SENP7: variants seen among roughly 807,000 people sequenced by gnomAD.
SENP7 encodes the protein sentrin-specific protease 7.
Under a neutral mutation model 141.2 loss-of-function variants are expected in SENP7, and 64 were observed. The observed-to-expected ratio is 0.45, with a 90% CI of 0.37 to 0.56. The LOEUF is 0.56. Among genes scored for constraint, SENP7 ranks in the 20% least tolerant of loss-of-function variants. The pLI is 0.00. For synonymous variants in SENP7, 382 were observed against 426.4 expected (o/e 0.90, Z 1.28); for missense variants, 1,025 against 1,212.2 (o/e 0.85, Z 2.29).
intron 13 of SENP7, among the ~76,000 whole-genome samples, chr3:101,345,226 G>A (rs1559695928): frequency 6.6e-6 from 1 of 151,788 alleles, no homozygotes; most frequent in Non-Finnish European, 1.5e-5. Flanking sequence ...TTTTAGGATT[G>A]TTTTTTCTAG....
chr3:101,456,941 T>TTTTTGTTTTGTTTTG (rs57842838), intron 4 of SENP7, among the ~76,000 whole-genome samples: 39 of 150,358 alleles, frequency 2.6e-4, no homozygotes, highest in African/African-American at 8.6e-4. Context: ...TGATATAAGC[T>TTTTTGTTTTGTTTTG]TTTTGTTTTG....
At chr3:101,470,323 ATC>A (rs1289719863) in intron 3 of SENP7, among the ~76,000 whole-genome samples, 9 of 152,226 alleles carry the variant, frequency 5.9e-5, no homozygotes, top group African/African-American at 2.2e-4. Flanking sequence ...AGTCGGCTTC[ATC>A]CCTGGCATGC....
intron 4 of SENP7, chr3:101,457,430 T>C: frequency 6.4e-7 from 1 of 1,571,880 alleles, no homozygotes; most frequent in Non-Finnish European, 8.7e-7. Context: ...GTAGCATTTC[T>C]GTCAGCTGCT....
intron 5 of SENP7, 73 bp from the exon 6 acceptor site, chr3:101,399,128 G>T: frequency 1.0e-6 from 1 of 988,234 alleles, no homozygotes; most frequent in East Asian, 2.8e-5. Flanking sequence ...CCAGGAAGGT[G>T]AATTTTCAAT....
At chr3:101,459,095 A>G in intron 3 of SENP7, 43 bp from the exon 4 acceptor site, 1 of 1,118,120 alleles carries the variant, frequency 8.9e-7, no homozygotes, top group Non-Finnish European at 1.3e-6. Flanking sequence ...ACATATCAAT[A>G]TGACAAGAGG....
At chr3:101,428,022 G>T (rs963550035) in intron 4 of SENP7, among the ~76,000 whole-genome samples, 1 of 152,184 alleles carries the variant, frequency 6.6e-6, no homozygotes, top group Non-Finnish European at 1.5e-5. Flanking sequence ...CAAAGGACAT[G>T]AAATCATCCT....
chr3:101,326,878 G>A (rs2058914168), intron 23 of SENP7, among the ~76,000 whole-genome samples: 1 of 148,714 alleles, frequency 6.7e-6, no homozygotes, highest in African/African-American at 2.5e-5. Context: ...CTTAAGCTCT[G>A]TTCTCTTCTT....
intron 6 of SENP7, among the ~76,000 whole-genome samples, chr3:101,394,520 T>TC (rs1450643761): frequency 6.6e-6 from 1 of 151,900 alleles, no homozygotes; most frequent in East Asian, 1.9e-4. Context: ...TTAAAAATTT[T>TC]TTTTTTTTTT....
At chr3:101,443,585 T>C (rs1206040997) in intron 4 of SENP7, among the ~76,000 whole-genome samples, 1 of 151,872 alleles carries the variant, frequency 6.6e-6, no homozygotes, top group African/African-American at 2.4e-5. Flanking sequence ...CCCATGAGCA[T>C]GGAATGTTCT....
chr3:101,458,788 T>C (rs1046536453), intron 4 of SENP7, among the ~76,000 whole-genome samples, 167 bp downstream of exon 4: 3 of 152,214 alleles, frequency 2.0e-5, no homozygotes, highest in African/African-American at 7.2e-5. Context: ...GTTAAGATAC[T>C]TAAAATCACA....
chr3:101,392,327 T>A (rs1477709754), intron 6 of SENP7, among the ~76,000 whole-genome samples: 1 of 151,980 alleles, frequency 6.6e-6, no homozygotes, highest in Non-Finnish European at 1.5e-5. Flanking sequence ...ACCTAAATAC[T>A]CCATCCAAAA....
intron 16 of SENP7, among the ~76,000 whole-genome samples, chr3:101,339,574 C>T (rs550688849): frequency 2.0e-5 from 3 of 151,990 alleles, no homozygotes; most frequent in African/African-American, 7.2e-5. Context: ...AAAAATTAGC[C>T]GGGCGTGGTG....
chr3:101,442,199 T>C (rs1470376370), intron 4 of SENP7, among the ~76,000 whole-genome samples: 1 of 151,614 alleles, frequency 6.6e-6, no homozygotes, highest in Non-Finnish European at 1.5e-5. Flanking sequence ...CAGAGAAAAA[T>C]ATATGTATGA....
chr3:101,361,587 T>C (rs1207736784), intron 11 of SENP7, 128 bp downstream of exon 11: 2 of 1,011,742 alleles, frequency 2.0e-6, no homozygotes, highest in African/African-American at 3.4e-5. Flanking sequence ...ACTTTCAACA[T>C]ATCCAAAGTG....
In SENP7 at chr3:101,459,009, T is replaced by A. The variant is rs184635710; in HGVS notation, c.230A>T (p.Lys77Ile). The A allele has an allele frequency of 4.5e-5, 73 of 1,610,270 alleles. No homozygotes were observed. In the East Asian group the frequency reaches 1.6e-3, roughly 35 times the overall value. ...LRNKVISLDH[K>I]NKKHIRGCPV... Reference sequence around the variant, plus strand: ...ACACCCTCGGATATGTTTTTTATTTTTATGGTCTAGAGAGATGACTTTATT... The same window carrying A: ...ACACCCTCGGATATGTTTTTTATTTATATGGTCTAGAGAGATGACTTTATT... The change falls in exon 4 of 24, where the codon AAA becomes ATA. Residue 77 changes from lysine to isoleucine, a missense_variant. Lys to Ile is a moderately radical substitution (Grantham distance 102, BLOSUM62 -3). Around this residue, in one of 4 missense-constraint regions of SENP7, gnomAD observed 496 missense variants for 503.5 expected, o/e 0.99. Transcript: ENST00000394095.
At chr3:101,351,759 T>C in intron 11 of SENP7, 108 bp from the exon 12 acceptor site, 3 of 834,774 alleles carry the variant, frequency 3.6e-6, no homozygotes, top group Non-Finnish European at 4.9e-6. Context: ...ACATTATAAG[T>C]GCTCAAGCCT....
rs141706582 is a variant in SENP7, at chr3:101,445,731, A to G, written c.284+13224T>C. On this transcript the variant is annotated intron_variant, in intron 4 of 23. Transcript: ENST00000394095. ...CAAATGAAAACAAAACATATGCATT[A>G]GTAGCTATACACACTTATGTCAGAC... Among the ~76,000 whole-genome samples the G allele has an allele frequency of 4.6e-5, 7 of 152,350 alleles. No homozygotes were observed. In the East Asian group the frequency reaches 1.3e-3, roughly 29 times the overall value.
chr3:101,346,367 A>T (rs2059453752), intron 13 of SENP7, among the ~76,000 whole-genome samples: 1 of 152,204 alleles, frequency 6.6e-6, no homozygotes, highest in South Asian at 2.1e-4. Flanking sequence ...TTAAAGAACT[A>T]AAAGTAGAAC....
chr3:101,429,766 C>T (rs1322464823), intron 4 of SENP7, among the ~76,000 whole-genome samples: 1 of 152,126 alleles, frequency 6.6e-6, no homozygotes, highest in Non-Finnish European at 1.5e-5. Flanking sequence ...TTGTCTTGCG[C>T]CAGTTGTCAA....
Sources: gnomAD v4.1 joint callset for allele counts (sites outside exome capture counted in the v4.1 genomes callset) on GRCh38, gnomAD v4.1.1 for gene constraint, gnomAD v4.1.1 regional missense constraint, MANE v1.5 for transcripts, NCBI Gene and HGNC (gene_info 2026-07-23, HGNC 2026-07-21) for gene names.